Variants in GABRG3 observed in about 807,000 individuals in gnomAD.
The protein encoded by GABRG3 is gamma-aminobutyric acid type A receptor subunit gamma3.
GABRG3 carries 25 observed loss-of-function variants against 48.8 expected under a neutral mutation model. The observed-to-expected ratio is 0.51, with a 90% CI of 0.37 to 0.72. The LOEUF is 0.72. GABRG3 is among the 30% of genes least tolerant of loss of function. GABRG3 has a pLI of 0.00. For missense variants in GABRG3, 394 were observed against 577.9 expected (o/e 0.68, Z 3.26); for synonymous variants, 227 against 217.6 (o/e 1.04, Z -0.38).
At chr15:27,327,073 G>A in intron 4 of GABRG3, 44 bp downstream of exon 4, 1 of 1,513,980 alleles carries the variant, frequency 6.6e-7, no homozygotes, top group Non-Finnish European at 9.1e-7. Context: ...GTTTAAAATG[G>A]GATCCTTAAT....
At chr15:27,113,418 T>C (rs374682625) in intron 3 of GABRG3, among the ~76,000 whole-genome samples, 46 of 152,298 alleles carry the variant, frequency 3.0e-4, no homozygotes, top group African/African-American at 8.7e-4. Context: ...CCAAATCATG[T>C]CATGACATAG....
chr15:27,001,878 C>T (rs1895453090), intron 2 of GABRG3, among the ~76,000 whole-genome samples: 1 of 70,516 alleles, frequency 1.4e-5, no homozygotes, highest in Non-Finnish European at 3.2e-5. Context: ...AGAGAGGTTC[C>T]CATAACTCAG....
intron 2 of GABRG3, among the ~76,000 whole-genome samples, chr15:27,005,833 C>G (rs1199770011): frequency 1.3e-5 from 2 of 152,118 alleles, no homozygotes; most frequent in Non-Finnish European, 2.9e-5. Context: ...AGTTTGTGGC[C>G]AATTTCAATT....
intron 3 of GABRG3, among the ~76,000 whole-genome samples, chr15:27,042,791 G>C (rs1566918056): frequency 6.6e-6 from 1 of 152,220 alleles, no homozygotes; most frequent in Admixed American, 6.5e-5. Flanking sequence ...CGTCGGGTCT[G>C]ACAGCCTGAG....
At chr15:27,143,064 G>A (rs1426968868) in intron 3 of GABRG3, among the ~76,000 whole-genome samples, 2 of 152,000 alleles carry the variant, frequency 1.3e-5, no homozygotes, top group African/African-American at 4.8e-5. Context: ...AAGATTATTT[G>A]GATTTATTTA....
chr15:27,340,377 C>T (rs1894129074), intron 5 of GABRG3: 1 of 152,194 alleles, frequency 6.6e-6, no homozygotes, highest in Non-Finnish European at 1.5e-5. Flanking sequence ...AAGCCATCAG[C>T]CTTTCATACT....
In GABRG3 at chr15:27,341,492, T is replaced by G. The variant is rs1046323411; in HGVS notation, c.574+12604T>G. Among the ~76,000 whole-genome samples the G allele has an allele frequency of 2.0e-5, 3 of 152,154 alleles. No individual in the cohort carries two copies. In the East Asian group the frequency reaches 5.8e-4, roughly 29 times the overall value. On this transcript the variant is annotated intron_variant, in intron 5 of 9. Transcript: ENST00000615808. ...CTGCAGGAAGCTCCGTGCTAGAAAA[T>G]GGAGCCTGCACACTTCCGTAGGTAC... is the stretch of plus-strand genomic sequence containing the variant.
rs574296598 is a variant in GABRG3 at position 27,289,635 on chromosome 15, C to T, written c.271-37174C>T. 6.6e-5 allele frequency among the ~76,000 whole-genome samples: 10 copies of T among 152,238 alleles called. No individual in the cohort carries two copies. In the South Asian group the frequency reaches 1.2e-3, roughly 19 times the overall value. On this transcript the variant is annotated intron_variant, in intron 3 of 9. Transcript: ENST00000615808. ...TTGTATCCATGGAGCTATGGTCTAA[C>T]AATTCTGATACCACTGTACAGTATA...
chr15:27,338,085 C>T (rs1894036123), intron 5 of GABRG3, among the ~76,000 whole-genome samples: 1 of 152,124 alleles, frequency 6.6e-6, no homozygotes, highest in African/African-American at 2.4e-5. Context: ...TTCGGCTCCT[C>T]CTTGGGGGAG....
intron 5 of GABRG3, among the ~76,000 whole-genome samples, chr15:27,449,292 C>G (rs1298273375): frequency 2.0e-5 from 3 of 152,176 alleles, no homozygotes; most frequent in Admixed American, 6.5e-5. Context: ...CATCCAGGCA[C>G]CTCTCTAGCA....
At chr15:27,253,518 G>A (rs1890524435) in intron 3 of GABRG3, among the ~76,000 whole-genome samples, 2 of 152,366 alleles carry the variant, frequency 1.3e-5, no homozygotes, top group South Asian at 4.1e-4. Context: ...TCACCTGAGG[G>A]TTTCCTGTCC....
chr15:27,191,792 C>T (rs1427619584), intron 3 of GABRG3, among the ~76,000 whole-genome samples: 2 of 151,524 alleles, frequency 1.3e-5, no homozygotes, highest in South Asian at 2.1e-4. Context: ...TTATCTTGCT[C>T]GCTAGTTGAT....
intron 3 of GABRG3, among the ~76,000 whole-genome samples, chr15:27,288,177 T>C (rs1248842882): frequency 6.6e-6 from 1 of 152,148 alleles, no homozygotes; most frequent in African/African-American, 2.4e-5. Flanking sequence ...ATATGTTACA[T>C]CAGTGGTCTT....
At chr15:27,338,320 G>T (rs1332388603) in intron 5 of GABRG3, among the ~76,000 whole-genome samples, 2 of 152,138 alleles carry the variant, frequency 1.3e-5, no homozygotes, top group Admixed American at 1.3e-4. Context: ...AAGACCTGTG[G>T]TTGCTCCTTC....
Position 27,359,605 on chromosome 15 carries a change from A to G in GABRG3, c.574+30717A>G, listed in dbSNP as rs913100138. On this transcript the variant is annotated intron_variant, in intron 5 of 9. Coordinates refer to ENST00000615808, the MANE Select transcript of GABRG3 (RefSeq NM_033223.5). The stretch of plus-strand genomic sequence containing the variant: ...TGGCAATCTAGCCTCATGATTAAGA[A>G]CATAACAGAACATAAAATTAAATAA... Among the ~76,000 whole-genome samples the G allele has an allele frequency of 2.6e-5, 4 of 152,254 alleles. No individual in the cohort carries two copies. The South Asian group carries it at 8.3e-4, about 32-fold the overall frequency.
chr15:27,488,229 A>G (rs955533183), intron 6 of GABRG3, among the ~76,000 whole-genome samples: 1 of 152,174 alleles, frequency 6.6e-6, no homozygotes, highest in African/African-American at 2.4e-5. Context: ...GGCCATTTTC[A>G]GGAGCCGCTC....
chr15:27,173,736 G>T (rs1455016428), intron 3 of GABRG3, among the ~76,000 whole-genome samples: 1 of 150,552 alleles, frequency 6.6e-6, no homozygotes, highest in African/African-American at 2.4e-5. Flanking sequence ...TTAAACATTA[G>T]TGTGGCATGG....
intron 5 of GABRG3, among the ~76,000 whole-genome samples, chr15:27,393,081 C>T (rs979240978): frequency 2.6e-5 from 4 of 152,116 alleles, no homozygotes; most frequent in African/African-American, 9.7e-5. Context: ...CGCAGTGGCT[C>T]ATGCCTGTAA....
chr15:27,101,969 G>C (rs1364254515), intron 3 of GABRG3, among the ~76,000 whole-genome samples: 1 of 152,084 alleles, frequency 6.6e-6, no homozygotes, highest in African/African-American at 2.4e-5. Context: ...CCACCAGTTG[G>C]ACAAGCTTGC....
Sources: allele counts gnomAD v4.1 joint callset (sites outside exome capture counted in the v4.1 genomes callset), GRCh38; gene constraint gnomAD v4.1.1; transcripts MANE v1.5; gene names NCBI Gene and HGNC (gene_info 2026-07-23, HGNC 2026-07-21).